SCN8A: variants seen among roughly 807,000 people sequenced by gnomAD.
The protein encoded by SCN8A is sodium channel protein type 8 subunit alpha.
In SCN8A, 30 loss-of-function variants were observed where a neutral mutation model predicts 184.1. The observed-to-expected ratio is 0.16, with a 90% CI of 0.12 to 0.22. The LOEUF (loss-of-function observed/expected upper bound fraction) is 0.22, where lower values mean the gene tolerates loss of function less well. Among genes scored for constraint, SCN8A ranks in the 10% least tolerant of loss-of-function variants. The probability of loss-of-function intolerance (pLI) is 1.00; values close to 1 mark genes in which losing one functional copy is unlikely to be tolerated. For synonymous variants in SCN8A, 852 were observed against 907.0 expected (o/e 0.94, Z 1.09); for missense variants, 1,057 against 2,498.9 (o/e 0.42, Z 12.30).
intron 12 of SCN8A, among the ~76,000 whole-genome samples, chr12:51,732,057 G>A (rs532913428): frequency 9.2e-5 from 14 of 152,242 alleles, no homozygotes; most frequent in African/African-American, 3.1e-4. Flanking sequence ...TTGCTGTGCA[G>A]AAGCTTTTTA....
chr12:51,601,770 A>C (rs908788955), intron 1 of SCN8A, among the ~76,000 whole-genome samples: 9 of 151,360 alleles, frequency 5.9e-5, no homozygotes, highest in Admixed American at 1.3e-4. Context: ...GAGGCTCAGC[A>C]GTCAAATGGG....
chr12:51,726,131 G>C (rs1249261885), intron 12 of SCN8A, among the ~76,000 whole-genome samples: 1 of 152,172 alleles, frequency 6.6e-6, no homozygotes, highest in African/African-American at 2.4e-5. Context: ...TAGTTATTCA[G>C]TTGTGATTGA....
chr12:51,685,651 C>T (rs181497749), intron 3 of SCN8A, among the ~76,000 whole-genome samples: 10 of 152,288 alleles, frequency 6.6e-5, no homozygotes, highest in East Asian at 5.8e-4. Context: ...TTACCTAACA[C>T]GCCGCAGCTG....
chr12:51,640,170 C>T (rs1940417087), intron 1 of SCN8A, among the ~76,000 whole-genome samples: 1 of 129,572 alleles, frequency 7.7e-6, no homozygotes, highest in African/African-American at 2.8e-5. Flanking sequence ...CTTGACCTCA[C>T]AAAGTGCTGG....
intron 14 of SCN8A, among the ~76,000 whole-genome samples, chr12:51,758,446 T>C (rs1171378293): frequency 6.6e-6 from 1 of 152,282 alleles, no homozygotes; most frequent in Middle Eastern, 3.4e-3. Flanking sequence ...GTTTGTTTGT[T>C]TTGTTTTTTG....
At position 51,710,064 on chromosome 12, in the gene SCN8A, A is replaced by G. The variant is rs1049280400; in HGVS notation, c.1635+3349A>G. Among the ~76,000 whole-genome samples the G allele has an allele frequency of 1.9e-4, 29 of 152,142 alleles. 1 individual carries two copies. The highest frequency in any genetic ancestry group is 1.9e-3 in the Admixed American group (29 of 15,278). On this transcript the variant is annotated intron_variant, in intron 11 of 26. Coordinates refer to ENST00000627620, the MANE Select transcript of SCN8A (RefSeq NM_001330260.2). ...TGTAGGGAATTAAACATCTTATTGA[A>G]GGGAATGAGAGGTTGTGTTTGGAGG...
chr12:51,661,056 A>G lies in SCN8A; in HGVS notation c.-54-1708A>G, dbSNP rs377475590. On this transcript the variant is annotated intron_variant, in intron 1 of 26. Transcript: ENST00000627620. Reference sequence around the variant, plus strand: ...GTTAGGGAGTAGTGGGACATAGCAAAGGAGGATAAATAACTGATATTTATT... The same window carrying G: ...GTTAGGGAGTAGTGGGACATAGCAAGGGAGGATAAATAACTGATATTTATT... Among the ~76,000 whole-genome samples, 11 of 152,308 alleles carry G rather than the reference A, an allele frequency of 7.2e-5. No individual in the cohort carries two copies. In the East Asian group the frequency reaches 1.9e-3, roughly 27 times the overall value.
intron 21 of SCN8A, among the ~76,000 whole-genome samples, chr12:51,784,549 AC>A (rs894057641): frequency 5.3e-5 from 8 of 152,044 alleles, no homozygotes; most frequent in African/African-American, 1.7e-4. Flanking sequence ...ACAGAGTGAG[AC>A]CCTTTCTCAA....
chr12:51,766,715 TTGCTTCTTAAAG>T (rs528180715), intron 16 of SCN8A, among the ~76,000 whole-genome samples: 83 of 152,328 alleles, frequency 5.4e-4, no homozygotes, highest in Admixed American at 5.2e-3. Context: ...TCTTAACACC[TTGCTTCTTAAAG>T]TGTGATCTGA....
chr12:51,670,132 C>A (rs1941105640), intron 2 of SCN8A, among the ~76,000 whole-genome samples: 1 of 152,144 alleles, frequency 6.6e-6, no homozygotes, highest in Admixed American at 6.5e-5. Flanking sequence ...GGGAGGTGGG[C>A]CCTTCTCAAG....
intron 20 of SCN8A, among the ~76,000 whole-genome samples, chr12:51,779,027 A>G (rs568701758): frequency 6.6e-5 from 10 of 152,080 alleles, no homozygotes; most frequent in Admixed American, 6.5e-4. Flanking sequence ...ACCAGCCTGG[A>G]CAACACAGTG....
At chr12:51,773,246 A>C (rs1176528061) in intron 19 of SCN8A, among the ~76,000 whole-genome samples, 3 of 152,208 alleles carry the variant, frequency 2.0e-5, no homozygotes, top group African/African-American at 4.8e-5. Flanking sequence ...ATTGTATCAC[A>C]GAGGACTTCC....
intron 21 of SCN8A, among the ~76,000 whole-genome samples, 172 bp downstream of exon 21, chr12:51,780,943 T>C (rs1937899383): frequency 6.6e-6 from 1 of 152,166 alleles, no homozygotes; most frequent in African/African-American, 2.4e-5. Context: ...GGAATTGCGT[T>C]AAGCTGCCTC....
intron 1 of SCN8A, among the ~76,000 whole-genome samples, chr12:51,593,369 C>T (rs1939274339): frequency 6.6e-6 from 1 of 152,148 alleles, no homozygotes; most frequent in Non-Finnish European, 1.5e-5. Flanking sequence ...CATAATGGTG[C>T]AGATCAGTTA....
chr12:51,705,637 TCTTTGCAATAGAC>T lies in SCN8A; in HGVS notation c.1341+18_1341+30del, dbSNP rs2138748575. On this transcript the variant is annotated intron_variant, in intron 10 of 26. Transcript: ENST00000627620. ...GAAGAGGCACAGGTTGGTGATGAAT[TCTTTGCAATAGAC>T]CTTCCTGCCAGATCATGGTGACTAA... The T allele has an allele frequency of 1.9e-6, 3 of 1,607,424 alleles. No individual in the cohort carries two copies. Among genetic ancestry groups the T allele is most frequent in the East Asian group, 4.5e-5 (2 of 44,784 alleles).
intron 16 of SCN8A, among the ~76,000 whole-genome samples, chr12:51,768,408 GT>G (rs891140213): frequency 2.0e-5 from 3 of 151,992 alleles, no homozygotes; most frequent in Non-Finnish European, 4.4e-5. Context: ...TACCTTCTTG[GT>G]TTTTTGTATG....
At chr12:51,601,700 C>A (rs574573648) in intron 1 of SCN8A, among the ~76,000 whole-genome samples, 34 of 151,086 alleles carry the variant, frequency 2.3e-4, no homozygotes, top group African/African-American at 7.2e-4. Context: ...TTGTTCCTAG[C>A]CAGTTGCCTT....
intron 2 of SCN8A, among the ~76,000 whole-genome samples, chr12:51,671,191 G>GC: frequency 6.6e-6 from 1 of 152,266 alleles, no homozygotes; most frequent in Middle Eastern, 3.4e-3. Context: ...GAGAGCATTT[G>GC]CCCCTCTTGG....
chr12:51,804,574 C>T (rs539139666), intron 26 of SCN8A, among the ~76,000 whole-genome samples: 2 of 152,260 alleles, frequency 1.3e-5, no homozygotes, highest in South Asian at 4.1e-4. Context: ...ACTGCAACCT[C>T]TGCCTCCTGG....
Sources: allele counts gnomAD v4.1 joint callset (sites outside exome capture counted in the v4.1 genomes callset), GRCh38; gene constraint gnomAD v4.1.1; transcripts MANE v1.5; gene names NCBI Gene and HGNC (gene_info 2026-07-23, HGNC 2026-07-21).